SLC8B1: variants seen among roughly 807,000 people sequenced by gnomAD.
The protein encoded by SLC8B1 is solute carrier family 8 member B1.
A neutral mutation model predicts 63.4 loss-of-function variants in SLC8B1; 52 were observed. The ratio of observed to expected loss-of-function variants is 0.82; its 90% confidence interval spans 0.66 to 1.03. SLC8B1 has a LOEUF of 1.03. SLC8B1 is among the 50% of genes least tolerant of loss of function. The probability of loss-of-function intolerance (pLI) is 0.00; values close to 1 mark genes in which losing one functional copy is unlikely to be tolerated. For missense variants in SLC8B1, 657 were observed against 741.7 expected (o/e 0.89, Z 1.33); for synonymous variants, 336 against 323.9 (o/e 1.04, Z -0.40).
At chr12:113,316,756 G>A in intron 9 of SLC8B1, 100 bp from the exon 10 acceptor site, 1 of 1,557,064 alleles carries the variant, frequency 6.4e-7, no homozygotes, top group South Asian at 1.2e-5. Flanking sequence ...CCCTAAAGGA[G>A]GAGACAAAGC....
Position 113,320,540 on chromosome 12 carries a change from C to T in SLC8B1, c.526+41G>A. On this transcript the variant is annotated intron_variant, in intron 6 of 15. Coordinates refer to ENST00000680972, the MANE Select transcript of SLC8B1 (RefSeq NM_001358345.2). The surrounding 1 kb of genome is among the most constrained non-coding windows in gnomAD (Gnocchi z 5.3). ...AGAGCTCAGCCACCCTGCACCCTCT[C>T]CTGCTGCTTTCCCCGCCCCCCTCAC... The T allele has an allele frequency of 6.2e-7, 1 of 1,613,986 alleles. No homozygotes were observed. The highest frequency in any genetic ancestry group is 1.1e-5 in the South Asian group (1 of 91,076).
At chr12:113,314,080 G>C (rs1482676244) in intron 11 of SLC8B1, among the ~76,000 whole-genome samples, 1 of 152,166 alleles carries the variant, frequency 6.6e-6, no homozygotes, top group Non-Finnish European at 1.5e-5. Context: ...CAAGTCCCTG[G>C]ATTTGCCCTG....
rs1484977202 is a variant in SLC8B1, at chr12:113,299,851, G to A, written c.1681C>T (p.Leu561Phe). 1 of 1,614,226 alleles carries A rather than the reference G, an allele frequency of 6.2e-7. No individual in the cohort carries two copies. Among genetic ancestry groups the A allele is most frequent in the Non-Finnish European group, 8.5e-7 (1 of 1,180,026 alleles). The change falls in exon 16 of 16, where the codon CTC becomes TTC. Residue 561 changes from leucine (L) to phenylalanine (F), a missense_variant. Physicochemically the swap from Leu to Phe is conservative, Grantham distance 22 (BLOSUM62 0). Coordinates refer to ENST00000680972, the MANE Select transcript of SLC8B1 (RefSeq NM_001358345.2). Reference protein sequence around the residue: ...QLSRVYGFCLLLFYLNFLVVA... With the variant: ...QLSRVYGFCLFLFYLNFLVVA... ...ACAAGGAAGTTCAGGTAGAAGAGGA[G>A]CAGGCAGAAGCCATAGACTCTGCTG...
chr12:113,316,378 TCA>T (rs1956835936), intron 10 of SLC8B1, 146 bp downstream of exon 10: 1 of 1,100,468 alleles, frequency 9.1e-7, no homozygotes, highest in African/African-American at 1.6e-5. Flanking sequence ...GCTCCACGCC[TCA>T]GTTTCCCCAT....
chr12:113,317,151 G>C, intron 8 of SLC8B1, 150 bp from the exon 9 acceptor site: 1 of 720,588 alleles, frequency 1.4e-6, no homozygotes, highest in East Asian at 2.7e-5. Context: ...CCAGGCTGGA[G>C]TGCAGAGGTG....
chr12:113,328,863 T>C lies in SLC8B1; in HGVS notation c.156+3860A>G, dbSNP rs150686047. Among the ~76,000 whole-genome samples, 978 of 151,878 alleles carry C rather than the reference T, an allele frequency of 6.4e-3. 14 individuals carry two copies. Among genetic ancestry groups the C allele is most frequent in the African/African-American group, 0.022 (895 of 41,410 alleles). ...ATCTCATGGGTTCAAGAGATTCTCC[T>C]ACCTCAGCCTCCCGAGTAGCTGGGA... On this transcript the variant is annotated intron_variant, in intron 2 of 15. Transcript: ENST00000680972.
In SLC8B1 at chr12:113,316,959, G is replaced by A; in HGVS notation, c.845C>T (p.Thr282Ile). The A allele has an allele frequency of 6.2e-7, 1 of 1,613,648 alleles. No homozygotes were observed. The highest frequency in any genetic ancestry group is 8.5e-7 in the Non-Finnish European group (1 of 1,179,880). Residue 282 changes from threonine (T) to isoleucine (I), a missense_variant, in exon 9 of 16, where the codon ACC becomes ATC. By Grantham distance (89) the Thr-to-Ile change is moderately conservative. Transcript: ENST00000680972. The stretch of plus-strand genomic sequence containing the variant: ...GGACTCACCGTAGTCATAGCTGTTG[G>A]TATTAGAAGATACCCGGTCCTCCTC... ...DSEEDRVSSN[T>I]NSYDYGDEYR...
chr12:113,309,835 A>G (rs1403811601), intron 12 of SLC8B1, among the ~76,000 whole-genome samples: 6 of 151,984 alleles, frequency 3.9e-5, no homozygotes, highest in Non-Finnish European at 7.4e-5. Flanking sequence ...GACGCGGAGT[A>G]GAGTCGTGGT....
At chr12:113,303,275 C>T (rs963416294) in intron 15 of SLC8B1, among the ~76,000 whole-genome samples, 5 of 152,160 alleles carry the variant, frequency 3.3e-5, no homozygotes, top group Non-Finnish European at 7.4e-5. Flanking sequence ...ACAAAGTTTG[C>T]AGAGGGTGTT....
At chr12:113,306,609 G>A (rs1382411407) in intron 13 of SLC8B1, 34 bp from the exon 14 acceptor site, 1 of 1,583,142 alleles carries the variant, frequency 6.3e-7, no homozygotes, top group East Asian at 2.2e-5. Context: ...GCAGTGGTGA[G>A]TCGCTTCCCC....
At chr12:113,311,918 G>A (rs1956767815) in intron 11 of SLC8B1, among the ~76,000 whole-genome samples, 1 of 151,892 alleles carries the variant, frequency 6.6e-6, no homozygotes, top group Non-Finnish European at 1.5e-5. Flanking sequence ...TGCCAGCTTT[G>A]GATCCAGACA....
intron 1 of SLC8B1, among the ~76,000 whole-genome samples, chr12:113,333,655 C>A (rs762769004): frequency 1.3e-5 from 2 of 152,040 alleles, no homozygotes; most frequent in East Asian, 3.9e-4. Flanking sequence ...GTCACCCCCC[C>A]GCCCCCCACC....
At chr12:113,307,407 G>T (rs1004030680) in intron 13 of SLC8B1, among the ~76,000 whole-genome samples, 1 of 152,066 alleles carries the variant, frequency 6.6e-6, no homozygotes, top group Non-Finnish European at 1.5e-5. Context: ...AGCACGGCCG[G>T]CTGCAATGGG....
In SLC8B1 at chr12:113,320,294, C is replaced by T. The variant is rs922893520; in HGVS notation, c.694+37G>A. 6.2e-7 allele frequency: 1 copy of T among 1,608,022 alleles called. No homozygotes were observed. Among genetic ancestry groups the T allele is most frequent in the Non-Finnish European group, 8.5e-7 (1 of 1,176,798 alleles). Reference sequence around the variant, plus strand: ...ACCTCCTAAACCTCCTGCCCATCAGCCCTGGGATCTCACGCCTGAGCCCCA... The same window carrying T: ...ACCTCCTAAACCTCCTGCCCATCAGTCCTGGGATCTCACGCCTGAGCCCCA... On this transcript the variant is annotated intron_variant, in intron 7 of 15. Transcript: ENST00000680972. This position sits in a 1 kb window ranked among gnomAD's most constrained non-coding sequence, Gnocchi z 5.3.
At chr12:113,310,052 A>G (rs546913078) in intron 12 of SLC8B1, among the ~76,000 whole-genome samples, 182 bp downstream of exon 12, 3 of 152,300 alleles carry the variant, frequency 2.0e-5, no homozygotes, top group East Asian at 3.9e-4. Flanking sequence ...TTACCAAAAA[A>G]AAAAAGAAAA....
Position 113,316,985 on chromosome 12 carries a change from G to C in SLC8B1, c.819C>G (p.Ser273=), listed in dbSNP as rs370088334. 1 of 1,613,132 alleles carries C rather than the reference G, an allele frequency of 6.2e-7. No homozygotes were observed. The highest frequency in any genetic ancestry group is 8.5e-7 in the Non-Finnish European group (1 of 1,179,718). The change falls in exon 9 of 16, where the codon TCC becomes TCG. Residue 273 remains serine, a synonymous_variant. Coordinates refer to ENST00000680972, the MANE Select transcript of SLC8B1 (RefSeq NM_001358345.2). The part of the protein sequence containing the change: ...MPVTPEILSD[S]EEDRVSSNTN... The stretch of plus-strand genomic sequence containing the variant: ...TATTAGAAGATACCCGGTCCTCCTC[G>C]GAGTCTGAGAGGATCTCTGCAGGAG...
intron 15 of SLC8B1, among the ~76,000 whole-genome samples, chr12:113,303,071 T>TACAC (rs368824979): frequency 0.05 from 6,474 of 130,140 alleles, 501 homozygotes; most frequent in African/African-American, 0.17. Flanking sequence ...CACACACACG[T>TACAC]ACACACACAC....
chr12:113,316,818 C>T, intron 9 of SLC8B1, 124 bp downstream of exon 9: 1 of 1,471,924 alleles, frequency 6.8e-7, no homozygotes, highest in Non-Finnish European at 9.4e-7. Context: ...ACCTGAGCTG[C>T]AGTGAGAGGT....
At chr12:113,315,563 C>A in intron 10 of SLC8B1, 87 bp from the exon 11 acceptor site, 1 of 1,425,298 alleles carries the variant, frequency 7.0e-7, no homozygotes, top group Non-Finnish European at 9.3e-7. Context: ...CTCAAGAGCT[C>A]GGCCGTTCAT....
Sources: allele counts gnomAD v4.1 joint callset (sites outside exome capture counted in the v4.1 genomes callset), GRCh38; gene constraint gnomAD v4.1.1; non-coding constraint Gnocchi (gnomAD v3.1); transcripts MANE v1.5; gene names NCBI Gene and HGNC (gene_info 2026-07-23, HGNC 2026-07-21).